RPTOR: variants seen among roughly 807,000 people sequenced by gnomAD.
RPTOR encodes the protein regulatory-associated protein of mTOR.
RPTOR carries 21 observed loss-of-function variants against 169.9 expected under a neutral mutation model. That is an observed-to-expected ratio of 0.12 (90% confidence interval 0.09 to 0.18). The LOEUF (loss-of-function observed/expected upper bound fraction) is 0.18, where lower values mean the gene tolerates loss of function less well. Among genes scored for constraint, RPTOR ranks in the 10% least tolerant of loss-of-function variants. The pLI, the probability that RPTOR is intolerant of heterozygous loss-of-function variation, is 1.00. For synonymous variants in RPTOR, 732 were observed against 753.2 expected, an observed-to-expected ratio of 0.97 and a Z score of 0.46; for missense variants, 1,133 against 1,855.9, an observed-to-expected ratio of 0.61 and a Z score of 7.16.
chr17:80,807,306 C>A (rs2067227882), intron 7 of RPTOR, among the ~76,000 whole-genome samples: 1 of 151,298 alleles, frequency 6.6e-6, no homozygotes, highest in South Asian at 2.1e-4. Flanking sequence ...TTGCTTCATC[C>A]TTTTTTTTTC....
At chr17:80,780,765 C>T (rs1408827907) in intron 6 of RPTOR, among the ~76,000 whole-genome samples, 1 of 152,172 alleles carries the variant, frequency 6.6e-6, no homozygotes, top group Non-Finnish European at 1.5e-5. Flanking sequence ...CCCTTCCCCC[C>T]TCACCCTCCC....
At chr17:80,559,043 C>T (rs1028939678) in intron 1 of RPTOR, among the ~76,000 whole-genome samples, 45 of 152,172 alleles carry the variant, frequency 3.0e-4, no homozygotes. Flanking sequence ...CCATCTCCAG[C>T]AGCTTTCCAT....
At chr17:80,929,187 G>A (rs757211609) in intron 24 of RPTOR, among the ~76,000 whole-genome samples, 5 of 152,184 alleles carry the variant, frequency 3.3e-5, no homozygotes, top group African/African-American at 1.2e-4. Context: ...TCTTTAAGTT[G>A]TATCTTTCTA....
intron 1 of RPTOR, among the ~76,000 whole-genome samples, chr17:80,597,771 C>T (rs1294029316): frequency 6.6e-6 from 1 of 152,102 alleles, no homozygotes; most frequent in Non-Finnish European, 1.5e-5. Flanking sequence ...GCCTTGGCCT[C>T]CCAGAGTGTT....
chr17:80,663,476 A>T (rs1015511200), intron 3 of RPTOR, among the ~76,000 whole-genome samples: 4 of 152,272 alleles, frequency 2.6e-5, no homozygotes, highest in African/African-American at 9.6e-5. Flanking sequence ...GAGACATGGA[A>T]GCGTAGGCAT....
chr17:80,860,592 C>A lies in RPTOR; in HGVS notation c.1509+2692C>A, dbSNP rs2067906989. ...CTGAAGTCAGGGGGCAGTGGGGAGG[C>A]TGCTGCCGAAGCGGACGGTGAGGGC... On this transcript the variant is annotated intron_variant, in intron 13 of 33. Coordinates refer to ENST00000306801, the MANE Select transcript of RPTOR (RefSeq NM_020761.3). This position sits in a 1 kb window ranked among gnomAD's most constrained non-coding sequence, Gnocchi z 5.8. 6.6e-6 allele frequency among the ~76,000 whole-genome samples: 1 copy of A among 152,112 alleles called. No homozygotes were observed.
At chr17:80,640,137 C>A (rs1308142126) in intron 2 of RPTOR, among the ~76,000 whole-genome samples, 2 of 148,298 alleles carry the variant, frequency 1.3e-5, no homozygotes, top group African/African-American at 4.9e-5. Flanking sequence ...ATCCACCTAC[C>A]CATCCATTTC....
At chr17:80,930,184 CCCCAGCTCATGCCCAG>C (rs2068862033) in intron 24 of RPTOR, among the ~76,000 whole-genome samples, 1 of 97,560 alleles carries the variant, frequency 1.0e-5, no homozygotes. Context: ...CCCAGCTCAT[CCCCAGCTCATGCCCAG>C]CTCATCCCCA....
intron 6 of RPTOR, among the ~76,000 whole-genome samples, chr17:80,755,856 C>A (rs965370149): frequency 1.3e-5 from 2 of 152,112 alleles, no homozygotes; most frequent in African/African-American, 4.8e-5. Context: ...CCTTACCTGG[C>A]TGATGCAGAC....
At chr17:80,662,303 G>A (rs2065730670) in intron 3 of RPTOR, among the ~76,000 whole-genome samples, 1 of 152,184 alleles carries the variant, frequency 6.6e-6, no homozygotes, top group South Asian at 2.1e-4. Context: ...CTGCTGCACA[G>A]ACAAAACCAA....
chr17:80,661,140 A>T (rs2143647620), intron 3 of RPTOR, among the ~76,000 whole-genome samples: 1 of 152,232 alleles, frequency 6.6e-6, no homozygotes, highest in East Asian at 1.9e-4. Flanking sequence ...CGGGACCAGG[A>T]TTGGAAGTGG....
intron 1 of RPTOR, among the ~76,000 whole-genome samples, chr17:80,560,950 G>A (rs1051428412): frequency 6.6e-6 from 1 of 152,190 alleles, no homozygotes; most frequent in African/African-American, 2.4e-5. Flanking sequence ...AGATCTGTGA[G>A]CCGGGGGGCT....
At chr17:80,795,736 C>T (rs528709817) in intron 7 of RPTOR, among the ~76,000 whole-genome samples, 226 of 152,260 alleles carry the variant, frequency 1.5e-3, no homozygotes, top group African/African-American at 5.1e-3. Context: ...GCCACACTCA[C>T]TGGGCACCTC....
intron 11 of RPTOR, 26 bp from the exon 12 acceptor site, chr17:80,855,438 A>G (rs368562401): frequency 1.5e-5 from 24 of 1,580,132 alleles, no homozygotes; most frequent in African/African-American, 2.7e-5. Context: ...GTTTGCAGTG[A>G]TACCATTTTC....
intron 1 of RPTOR, among the ~76,000 whole-genome samples, chr17:80,558,686 A>G (rs1421355616): frequency 6.6e-6 from 1 of 152,076 alleles, no homozygotes; most frequent in African/African-American, 2.4e-5. Context: ...GTCTCCTTAG[A>G]GGAGGCCATT....
chr17:80,547,899 T>C (rs1050582139), intron 1 of RPTOR, among the ~76,000 whole-genome samples: 2 of 152,294 alleles, frequency 1.3e-5, no homozygotes, highest in Non-Finnish European at 1.5e-5. Flanking sequence ...GGCTCCCTGA[T>C]GCCATAACTG....
At position 80,721,149 on chromosome 17, in the gene RPTOR, C is replaced by A. The variant is rs1052494856; in HGVS notation, c.508-9411C>A. ...CTAGACAAGGGGAGGCCTGGGAGTGCGAGGGGGCTCTGGTGACAGGAAGTA... is the reference window on the plus strand; with the variant it reads ...CTAGACAAGGGGAGGCCTGGGAGTGAGAGGGGGCTCTGGTGACAGGAAGTA... On this transcript the variant is annotated intron_variant, in intron 4 of 33. Transcript: ENST00000306801. The surrounding 1 kb of genome is among the most constrained non-coding windows in gnomAD (Gnocchi z 4.7). Among the ~76,000 whole-genome samples, 1 of 150,704 alleles carries A rather than the reference C, an allele frequency of 6.6e-6. No individual in the cohort carries two copies. The highest frequency in any genetic ancestry group is 2.5e-5 in the African/African-American group (1 of 40,188).
intron 13 of RPTOR, among the ~76,000 whole-genome samples, chr17:80,879,315 G>T (rs963734455): frequency 1.3e-5 from 2 of 150,644 alleles, no homozygotes; most frequent in Non-Finnish European, 1.5e-5. Context: ...TGCAGCTCCT[G>T]CTGGGCTCTG....
chr17:80,962,906 G>A lies in RPTOR; in HGVS notation c.3810-22G>A, dbSNP rs372358838. On this transcript the variant is annotated intron_variant, in intron 32 of 33. Transcript: ENST00000306801. ...CCTCAAAGAAGAGGGCAGTGATGCC[G>A]GGACCCTTTCTCTCCCCACAGTGGC... The A allele has an allele frequency of 4.0e-5, 64 of 1,613,158 alleles. No individual in the cohort carries two copies. The Middle Eastern group carries it at 5.0e-4, about 12-fold the overall frequency.
Sources: allele counts gnomAD v4.1 joint callset (sites outside exome capture counted in the v4.1 genomes callset), GRCh38; gene constraint gnomAD v4.1.1; non-coding constraint Gnocchi (gnomAD v3.1); transcripts MANE v1.5; gene names NCBI Gene and HGNC (gene_info 2026-07-23, HGNC 2026-07-21).